The following PRKG1 variants were observed in gnomAD, a reference collection of about 807,000 sequenced individuals.
PRKG1 encodes protein kinase cGMP-dependent 1.
Under a neutral mutation model 88.1 loss-of-function variants are expected in PRKG1, and 35 were observed. The ratio of observed to expected loss-of-function variants is 0.40; its 90% CI spans 0.30 to 0.53. The LOEUF is 0.53. Among genes scored for constraint, PRKG1 ranks in the 20% least tolerant of loss-of-function variants. PRKG1 has a pLI of 0.59. For missense variants in PRKG1, 540 were observed against 839.8 expected (o/e 0.64, Z 4.41); for synonymous variants, 303 against 292.5 (o/e 1.04, Z -0.37).
chr10:51,859,679 C>T (rs116727918), intron 4 of PRKG1, among the ~76,000 whole-genome samples: 2,151 of 152,244 alleles, frequency 0.014, 40 homozygotes, highest in African/African-American at 0.045. Flanking sequence ...TCTTACCACC[C>T]TACTCCCCAA....
intron 2 of PRKG1, among the ~76,000 whole-genome samples, chr10:51,213,272 C>T (rs1479411186): frequency 1.3e-5 from 2 of 151,050 alleles, no homozygotes; most frequent in African/African-American, 2.4e-5. Context: ...ACAATGAGAA[C>T]ACATGGACAC....
intron 3 of PRKG1, among the ~76,000 whole-genome samples, chr10:51,676,837 T>G (rs1840723664): frequency 6.6e-6 from 1 of 152,212 alleles, no homozygotes; most frequent in Admixed American, 6.5e-5. Flanking sequence ...TCTCCTGGCA[T>G]TGATTCAAGG....
intron 9 of PRKG1, chr10:52,230,924 T>A (rs1429430706): frequency 3.3e-5 from 5 of 152,206 alleles, no homozygotes; most frequent in African/African-American, 1.2e-4. Context: ...AGATTATGCC[T>A]TAATTGGTTG....
intron 2 of PRKG1, among the ~76,000 whole-genome samples, chr10:51,169,572 A>G (rs532153430): frequency 1.4e-5 from 2 of 143,466 alleles, no homozygotes; most frequent in Non-Finnish European, 3.0e-5. Context: ...GGAAGATAAA[A>G]GGCTTACTCC....
At chr10:52,257,362 A>G (rs1389605992) in intron 10 of PRKG1, among the ~76,000 whole-genome samples, 1 of 139,852 alleles carries the variant, frequency 7.2e-6, no homozygotes, top group Non-Finnish European at 1.6e-5. Context: ...GAGGTGATTA[A>G]GCAAGAAGTT....
rs926541804 is a variant in PRKG1 at position 51,144,262 on chromosome 10, T to C, written c.312-8902T>C. Among the ~76,000 whole-genome samples, 4 of 152,148 alleles carry C rather than the reference T, an allele frequency of 2.6e-5. No homozygotes were observed. In the South Asian group the frequency reaches 6.2e-4, roughly 24 times the overall value. On this transcript the variant is annotated intron_variant, in intron 1 of 17. Coordinates refer to ENST00000373980, the MANE Select transcript of PRKG1 (RefSeq NM_006258.4). ...TGCTTTTGGATTTTTATAAGTGGAA[T>C]AATTTATTCAAATTGTCAGTGAAAT... is the stretch of plus-strand genomic sequence containing the variant.
chr10:51,957,107 C>CTCTTTCTT (rs149462049), intron 5 of PRKG1, among the ~76,000 whole-genome samples: 1 of 117,330 alleles, frequency 8.5e-6, no homozygotes, highest in African/African-American at 3.6e-5. Context: ...CTTTCTCTCT[C>CTCTTTCTT]TCTTTCTTTC....
intron 5 of PRKG1, among the ~76,000 whole-genome samples, chr10:52,035,614 G>T (rs939155023): frequency 6.6e-6 from 1 of 152,188 alleles, no homozygotes; most frequent in Non-Finnish European, 1.5e-5. Context: ...TGGGGGTCAG[G>T]TGTGGTATCA....
At position 51,888,510 on chromosome 10, in the gene PRKG1, T is replaced by A. The variant is rs190662882; in HGVS notation, c.699-18997T>A. ...GCTTTATGTCTCAAACCAATGGGAC[T>A]TTTATAGGCTGATCATAGACACAGC... On this transcript the variant is annotated intron_variant, in intron 4 of 17. Coordinates refer to ENST00000373980, the MANE Select transcript of PRKG1 (RefSeq NM_006258.4). 5.7e-3 allele frequency among the ~76,000 whole-genome samples: 861 copies of A among 152,344 alleles called. 7 individuals are homozygous for A. Among genetic ancestry groups the A allele is most frequent in the Non-Finnish European group, 7.9e-3 (538 of 68,034 alleles).
chr10:51,815,137 T>C (rs1167955366), intron 4 of PRKG1, among the ~76,000 whole-genome samples: 2 of 152,164 alleles, frequency 1.3e-5, no homozygotes, highest in Non-Finnish European at 2.9e-5. Flanking sequence ...GAATACTTTC[T>C]CAAAACTCTG....
chr10:51,360,745 A>G (rs958153872), intron 2 of PRKG1, among the ~76,000 whole-genome samples: 2 of 151,784 alleles, frequency 1.3e-5, no homozygotes, highest in African/African-American at 2.4e-5. Context: ...CGCACACTTT[A>G]AGTTGTTTCC....
intron 1 of PRKG1, among the ~76,000 whole-genome samples, chr10:51,149,432 A>C (rs1846012475): frequency 6.6e-6 from 1 of 152,112 alleles, no homozygotes; most frequent in Non-Finnish European, 1.5e-5. Flanking sequence ...TTTTTACCTA[A>C]GATTGTGTAG....
intron 5 of PRKG1, among the ~76,000 whole-genome samples, chr10:51,980,898 T>A (rs115106596): frequency 0.095 from 14,538 of 152,270 alleles, 735 homozygotes; most frequent in African/African-American, 0.11. Flanking sequence ...ATGGGTCTCT[T>A]GAAGACAGCA....
rs147173072 is a variant in PRKG1 at position 51,182,117 on chromosome 10, T to C, written c.478+28787T>C. ...GATAAACAACCAAAAGAATATGACA[T>C]ACCTCTGGTATATAACACCAGTCCT... On this transcript the variant is annotated intron_variant, in intron 2 of 17. Coordinates refer to ENST00000373980, the MANE Select transcript of PRKG1 (RefSeq NM_006258.4). Among the ~76,000 whole-genome samples the C allele has an allele frequency of 2.0e-4, 31 of 152,330 alleles. No homozygotes were observed. In the East Asian group the frequency reaches 5.8e-3, roughly 28 times the overall value.
At chr10:51,277,596 A>T (rs949645126) in intron 2 of PRKG1, among the ~76,000 whole-genome samples, 2 of 152,232 alleles carry the variant, frequency 1.3e-5, no homozygotes, top group Non-Finnish European at 2.9e-5. Flanking sequence ...ATCCATGAGC[A>T]TGGAATGTTC....
chr10:51,574,595 C>T (rs543177312), intron 3 of PRKG1, among the ~76,000 whole-genome samples: 2 of 152,086 alleles, frequency 1.3e-5, no homozygotes, highest in African/African-American at 4.8e-5. Flanking sequence ...CTCATTACCT[C>T]TTTTCGCAGT....
rs77110058 is a variant in PRKG1, at chr10:52,215,457, C to T, written c.1077-36113C>T. On this transcript the variant is annotated intron_variant, in intron 9 of 17. Coordinates refer to ENST00000373980, the MANE Select transcript of PRKG1 (RefSeq NM_006258.4). ...GCTATAAGCATTCTATGCTATAAAG[C>T]GAGATATACAGGCATTTAGATAGTT... Among the ~76,000 whole-genome samples, 1,298 of 151,140 alleles carry T rather than the reference C, an allele frequency of 8.6e-3. 20 individuals carry two copies. Among genetic ancestry groups the T allele is most frequent in the African/African-American group, 0.029 (1,177 of 41,178 alleles).
At chr10:51,854,894 G>A (rs1177732943) in intron 4 of PRKG1, among the ~76,000 whole-genome samples, 1 of 152,108 alleles carries the variant, frequency 6.6e-6, no homozygotes, top group African/African-American at 2.4e-5. Flanking sequence ...GCGCCCACCA[G>A]CAGCTAAACA....
chr10:51,109,545 T>C (rs941218656), intron 1 of PRKG1, among the ~76,000 whole-genome samples: 2 of 152,134 alleles, frequency 1.3e-5, no homozygotes, highest in African/African-American at 4.8e-5. Flanking sequence ...TGCAAAAATA[T>C]AAACCTTACC....
Sources: allele counts gnomAD v4.1 joint callset (sites outside exome capture counted in the v4.1 genomes callset), GRCh38; gene constraint gnomAD v4.1.1; transcripts MANE v1.5; gene names NCBI Gene and HGNC (gene_info 2026-07-23, HGNC 2026-07-21).